Variants in HDGFL3 observed in about 807,000 individuals in gnomAD.
The protein encoded by HDGFL3 is HDGF like 3.
Under a neutral mutation model 27.6 loss-of-function variants are expected in HDGFL3, and 6 were observed. The ratio of observed to expected loss-of-function variants is 0.22; its 90% CI spans 0.12 to 0.43. The LOEUF is 0.43. Ranked by LOEUF, HDGFL3 falls within the 20% of genes least tolerant of loss-of-function variation. HDGFL3 has a pLI of 1.00. For missense variants in HDGFL3, 207 were observed against 250.1 expected (o/e 0.83, Z 1.16); for synonymous variants, 88 against 88.9 (o/e 0.99, Z 0.05).
chr15:83,198,481 T>A (rs2037599339), intron 1 of HDGFL3, among the ~76,000 whole-genome samples: 1 of 152,358 alleles, frequency 6.6e-6, no homozygotes, highest in African/African-American at 2.4e-5. Flanking sequence ...TCACATATAG[T>A]AAGTACAACT....
intron 1 of HDGFL3, among the ~76,000 whole-genome samples, chr15:83,172,021 T>C (rs1477477974): frequency 3.3e-5 from 5 of 152,228 alleles, no homozygotes; most frequent in African/African-American, 4.8e-5. Context: ...AGGCCACCAG[T>C]AACATTCCCC....
intron 3 of HDGFL3, among the ~76,000 whole-genome samples, chr15:83,118,296 ATGGAAGGC>A (rs2034889357): frequency 6.6e-6 from 1 of 152,010 alleles, no homozygotes; most frequent in Non-Finnish European, 1.5e-5. Flanking sequence ...GAGAGGCAAG[ATGGAAGGC>A]TGGTTGAGGG....
intron 1 of HDGFL3, among the ~76,000 whole-genome samples, chr15:83,189,009 C>G (rs1473785475): frequency 6.6e-6 from 1 of 151,986 alleles, no homozygotes; most frequent in Non-Finnish European, 1.5e-5. Flanking sequence ...TTGATTTATT[C>G]CTCCCCCTCA....
At chr15:83,180,899 A>T (rs2037372424) in intron 1 of HDGFL3, 2 of 152,024 alleles carry the variant, frequency 1.3e-5, no homozygotes, top group Non-Finnish European at 2.9e-5. Flanking sequence ...GGCCTCCGAG[A>T]GTGCTGGGAT....
At chr15:83,191,536 A>ATT (rs1464958577) in intron 1 of HDGFL3, among the ~76,000 whole-genome samples, 1 of 152,200 alleles carries the variant, frequency 6.6e-6, no homozygotes, top group Non-Finnish European at 1.5e-5. Context: ...CAACAAGCTA[A>ATT]TTCTGTTTGT....
At chr15:83,143,071 A>G (rs999511943) in intron 5 of HDGFL3, among the ~76,000 whole-genome samples, 14 of 152,106 alleles carry the variant, frequency 9.2e-5, no homozygotes, top group Non-Finnish European at 2.1e-4. Flanking sequence ...GCTGGAGTAC[A>G]GTGGCACAAT....
chr15:83,163,349 T>C (rs1384233948), intron 2 of HDGFL3, among the ~76,000 whole-genome samples: 1 of 152,242 alleles, frequency 6.6e-6, no homozygotes, highest in African/African-American at 2.4e-5. Flanking sequence ...CATGTGCTGC[T>C]GAGCCAGTTT....
At chr15:83,203,706 G>A (rs2037680564) in intron 1 of HDGFL3, among the ~76,000 whole-genome samples, 1 of 151,546 alleles carries the variant, frequency 6.6e-6, no homozygotes, top group Admixed American at 6.6e-5. Context: ...TAACCTATAA[G>A]TAATAATAAG....
At chr15:83,147,916 A>C (rs747213595) in intron 5 of HDGFL3, among the ~76,000 whole-genome samples, 3 of 152,252 alleles carry the variant, frequency 2.0e-5, no homozygotes, top group Non-Finnish European at 4.4e-5. Context: ...GAGTATGTAG[A>C]GAAGTCCTAC....
chr15:83,134,778 T>G lies in HDGFL3; in HGVS notation c.*4492A>C, dbSNP rs1270151793. 1 of 152,222 alleles carries G rather than the reference T, an allele frequency of 6.6e-6. No individual in the cohort carries two copies. The highest frequency in any genetic ancestry group is 1.5e-5 in the Non-Finnish European group (1 of 68,038). The allele number at this position is 152,222 out of a possible 1,614,324, so 9.4% of individuals were successfully genotyped here. A position where few individuals can be genotyped will look rare whatever the true frequency, so the allele number is the denominator to read the frequency against. Reference sequence around the variant, plus strand: ...AGATTTCTGAGAACCAGGGATCAAATGTGGCTTCCAGTCCAGAGAAAATGC... The same window carrying G: ...AGATTTCTGAGAACCAGGGATCAAAGGTGGCTTCCAGTCCAGAGAAAATGC... On this transcript the variant is annotated 3_prime_UTR_variant, in exon 6 of 6. Transcript: ENST00000299633.
At chr15:83,126,670 C>A, downstream of HDGFL3, 2 of 1,077,556 alleles carry the variant, frequency 1.9e-6, no homozygotes, top group East Asian at 2.4e-5. Context: ...CAGCTTGTGA[C>A]TAAACCTGGC....
At chr15:83,169,396 C>T (rs2037215532) in intron 1 of HDGFL3, among the ~76,000 whole-genome samples, 1 of 104,348 alleles carries the variant, frequency 9.6e-6, no homozygotes, top group Non-Finnish European at 1.7e-5. Context: ...GCCTGGGCGA[C>T]AGAGCGAGAC....
At chr15:83,161,841 G>GA (rs1228990609) in intron 2 of HDGFL3, among the ~76,000 whole-genome samples, 2 of 152,102 alleles carry the variant, frequency 1.3e-5, no homozygotes, top group Non-Finnish European at 2.9e-5. Context: ...GCATAGAAAA[G>GA]AAAATACATT....
intron 3 of HDGFL3, chr15:83,115,811 ATT>A: frequency 7.0e-7 from 1 of 1,431,064 alleles, no homozygotes; most frequent in Middle Eastern, 1.8e-4. Flanking sequence ...CTCCTGAGCT[ATT>A]GCTTTTTAAA....
rs79529898 is a variant in HDGFL3, at chr15:83,144,185, T to C, written c.607-4910A>G. On this transcript the variant is annotated intron_variant, in intron 5 of 5. Transcript: ENST00000299633. ...GGACTACAGGCGGATGCCATAGCTGTGTGGTAACCTTGTGATTTAGCGACC... is the reference window on the plus strand; with the variant it reads ...GGACTACAGGCGGATGCCATAGCTGCGTGGTAACCTTGTGATTTAGCGACC... Among the ~76,000 whole-genome samples, 35 of 152,260 alleles carry C rather than the reference T, an allele frequency of 2.3e-4. No homozygotes were observed. In the East Asian group the frequency reaches 6.6e-3, roughly 29 times the overall value.
At chr15:83,145,808 A>T (rs1439477919) in intron 5 of HDGFL3, among the ~76,000 whole-genome samples, 2 of 144,604 alleles carry the variant, frequency 1.4e-5, no homozygotes, top group Non-Finnish European at 3.0e-5. Flanking sequence ...TCTGCCAAAG[A>T]TCTTGTCTTC....
chr15:83,153,524 A>G (rs891903741), intron 4 of HDGFL3, among the ~76,000 whole-genome samples: 4 of 152,192 alleles, frequency 2.6e-5, no homozygotes, highest in African/African-American at 9.6e-5. Flanking sequence ...GCCAAGCTCT[A>G]TTTGGTAATC....
intron 1 of HDGFL3, among the ~76,000 whole-genome samples, chr15:83,197,415 C>T (rs1010496241): frequency 1.3e-5 from 2 of 152,140 alleles, no homozygotes; most frequent in Non-Finnish European, 2.9e-5. Flanking sequence ...TTGAAGAATG[C>T]CTTCCTATCA....
chr15:83,116,115 G>A (rs1355720550), intron 3 of HDGFL3, among the ~76,000 whole-genome samples: 3 of 152,196 alleles, frequency 2.0e-5, no homozygotes, highest in African/African-American at 7.2e-5. Context: ...CAGAAAGGAC[G>A]GTTAGATCAC....
Sources: gnomAD v4.1 joint callset for allele counts (sites outside exome capture counted in the v4.1 genomes callset) on GRCh38, gnomAD v4.1.1 for gene constraint, MANE v1.5 for transcripts, NCBI Gene and HGNC (gene_info 2026-07-23, HGNC 2026-07-21) for gene names.